RFTN1: variants seen among roughly 807,000 people sequenced by gnomAD.
The protein encoded by RFTN1 is raftlin.
RFTN1 carries 26 observed loss-of-function variants against 46.5 expected under a neutral mutation model. The ratio of observed to expected loss-of-function variants is 0.56; its 90% CI spans 0.41 to 0.78. RFTN1 has a LOEUF of 0.78. RFTN1 is among the 30% of genes least tolerant of loss of function. The pLI is 0.00. For synonymous variants in RFTN1, 261 were observed against 284.2 expected (o/e 0.92, Z 0.82); for missense variants, 693 against 718.7 (o/e 0.96, Z 0.41).
intron 4 of RFTN1, among the ~76,000 whole-genome samples, chr3:16,389,651 C>G (rs1443628318): frequency 6.6e-6 from 1 of 152,128 alleles, no homozygotes. Flanking sequence ...AAGTTCTCTC[C>G]TAGTAGAAGA....
At chr3:16,354,793 A>G (rs959593497) in intron 7 of RFTN1, among the ~76,000 whole-genome samples, 7 of 152,136 alleles carry the variant, frequency 4.6e-5, no homozygotes, top group Non-Finnish European at 8.8e-5. Flanking sequence ...CTCTTCCTGC[A>G]TTTTACTATC....
In RFTN1 at chr3:16,458,585, G is replaced by T. The variant is rs1366510023; in HGVS notation, c.146-24548C>A. On this transcript the variant is annotated intron_variant, in intron 2 of 9. Transcript: ENST00000334133. The surrounding 1 kb of genome is among the most constrained non-coding windows in gnomAD (Gnocchi z 5.1). ...TTTCCATCTTTGTAAATCGTAAATT[G>T]TCCTTTCAACATGCATAATGACAAG... Among the ~76,000 whole-genome samples the T allele has an allele frequency of 1.3e-5, 2 of 152,018 alleles. No homozygotes were observed. The highest frequency in any genetic ancestry group is 3.9e-4 in the East Asian group (2 of 5,178).
rs2076226020 is a variant in RFTN1 at position 16,473,218 on chromosome 3, C to A, written c.145+20507G>T. On this transcript the variant is annotated intron_variant, in intron 2 of 9. Coordinates refer to ENST00000334133, the MANE Select transcript of RFTN1 (RefSeq NM_015150.2). The surrounding 1 kb of genome is among the most constrained non-coding windows in gnomAD (Gnocchi z 5.3). The stretch of plus-strand genomic sequence containing the variant: ...GTCAACACTGTTGACCACAGTATAC[C>A]ACCTCCACCCCAATACTGGGCCAGA... Among the ~76,000 whole-genome samples, 1 of 152,080 alleles carries A rather than the reference C, an allele frequency of 6.6e-6. No homozygotes were observed. The highest frequency in any genetic ancestry group is 1.5e-5 in the Non-Finnish European group (1 of 68,020).
Position 16,503,562 on chromosome 3 carries a change from C to T in RFTN1, c.-8-9685G>A, listed in dbSNP as rs562727838. 2.0e-5 allele frequency among the ~76,000 whole-genome samples: 3 copies of T among 152,334 alleles called. No homozygotes were observed. In the South Asian group the frequency reaches 6.2e-4, roughly 32 times the overall value. On this transcript the variant is annotated intron_variant, in intron 1 of 9. Transcript: ENST00000334133. The stretch of plus-strand genomic sequence containing the variant: ...GAGCAAACCCAGTCTTTTCCCACTC[C>T]TAGCCCTCTCCAATCTCCTAATAGC...
rs1013863521 is a variant in RFTN1, at chr3:16,428,146, G to C, written c.332+5705C>G. Among the ~76,000 whole-genome samples the C allele has an allele frequency of 6.6e-6, 1 of 152,184 alleles. No homozygotes were observed. The highest frequency in any genetic ancestry group is 2.4e-5 in the African/African-American group (1 of 41,440). ...AAAAATCCAAACAAAAGGGATAAAT[G>C]TTTACCACTTAAAACAGTGCCAGTT... On this transcript the variant is annotated intron_variant, in intron 3 of 9. Transcript: ENST00000334133. The surrounding 1 kb of genome is among the most constrained non-coding windows in gnomAD (Gnocchi z 4.7).
At chr3:16,488,472 C>T (rs965325283) in intron 2 of RFTN1, among the ~76,000 whole-genome samples, 40 of 152,188 alleles carry the variant, frequency 2.6e-4, no homozygotes, top group Admixed American at 1.2e-3. Flanking sequence ...GCCAATACCT[C>T]CCTGACTTGT....
rs1224170505 is a variant in RFTN1, at chr3:16,387,148, T to C, written c.442-9046A>G. Among the ~76,000 whole-genome samples, 2 of 152,116 alleles carry C rather than the reference T, an allele frequency of 1.3e-5. No individual in the cohort carries two copies. The highest frequency in any genetic ancestry group is 2.1e-4 in the South Asian group (1 of 4,828). On this transcript the variant is annotated intron_variant, in intron 4 of 9. Transcript: ENST00000334133. The surrounding 1 kb of genome is among the most constrained non-coding windows in gnomAD (Gnocchi z 5.2). Reference sequence around the variant, plus strand: ...TGACCCACTGCTTCCATCACTCTCCTCCTATTATATCCTTGGCTTTCTCTG... The same window carrying C: ...TGACCCACTGCTTCCATCACTCTCCCCCTATTATATCCTTGGCTTTCTCTG...
At position 16,480,052 on chromosome 3, in the gene RFTN1, T is replaced by A. The variant is rs1323526735; in HGVS notation, c.145+13673A>T. On this transcript the variant is annotated intron_variant, in intron 2 of 9. Transcript: ENST00000334133. The surrounding 1 kb of genome is among the most constrained non-coding windows in gnomAD (Gnocchi z 4.3). ...TTTCCTACATTGAGAGACCTTACTA[T>A]CTTGTTCACCATTGCATGCTCAATA... 6.6e-6 allele frequency among the ~76,000 whole-genome samples: 1 copy of A among 152,214 alleles called. No individual in the cohort carries two copies. The highest frequency in any genetic ancestry group is 1.5e-5 in the Non-Finnish European group (1 of 68,028).
Position 16,452,260 on chromosome 3 carries a change from C to A in RFTN1, c.146-18223G>T, listed in dbSNP as rs2075832615. 6.6e-6 allele frequency among the ~76,000 whole-genome samples: 1 copy of A among 151,362 alleles called. No individual in the cohort carries two copies. Among genetic ancestry groups the A allele is most frequent in the South Asian group, 2.1e-4 (1 of 4,790 alleles). On this transcript the variant is annotated intron_variant, in intron 2 of 9. Transcript: ENST00000334133. The surrounding 1 kb of genome is among the most constrained non-coding windows in gnomAD (Gnocchi z 6.3). Reference sequence around the variant, plus strand: ...AGTTATTCATAAGAAGCCAAAGATTCTAAAGAAAACTAAAAAAAAAATAAT... The same window carrying A: ...AGTTATTCATAAGAAGCCAAAGATTATAAAGAAAACTAAAAAAAAAATAAT...
intron 1 of RFTN1, among the ~76,000 whole-genome samples, chr3:16,510,299 C>T (rs2076875304): frequency 6.6e-6 from 1 of 152,178 alleles, no homozygotes; most frequent in Non-Finnish European, 1.5e-5. Context: ...TACCAATAGA[C>T]CAGAAATCCC....
chr3:16,492,378 A>T (rs2076550260), intron 2 of RFTN1, among the ~76,000 whole-genome samples: 1 of 152,168 alleles, frequency 6.6e-6, no homozygotes, highest in Non-Finnish European at 1.5e-5. Flanking sequence ...TTGTGCTACG[A>T]GCTTCACACA....
rs565194909 is a variant in RFTN1, at chr3:16,424,564, G to GT, written c.332+9286dup. ...TATGTGAATACAAGCTGCTAATTTG[G>GT]TTTTTAAAGTCTTTGTAGCCATTTT... On this transcript the variant is annotated intron_variant, in intron 3 of 9. Transcript: ENST00000334133. This position sits in a 1 kb window ranked among gnomAD's most constrained non-coding sequence, Gnocchi z 4.7. 4.6e-5 allele frequency among the ~76,000 whole-genome samples: 7 copies of GT among 152,250 alleles called. No individual in the cohort carries two copies. The South Asian group carries it at 8.3e-4, about 18-fold the overall frequency.
chr3:16,505,606 G>C (rs1351764496), intron 1 of RFTN1, among the ~76,000 whole-genome samples: 1 of 152,230 alleles, frequency 6.6e-6, no homozygotes, highest in Non-Finnish European at 1.5e-5. Context: ...AGGCGGTCTG[G>C]AGTCAGAGTT....
chr3:16,419,604 C>T (rs921533218), intron 3 of RFTN1, among the ~76,000 whole-genome samples: 2 of 150,976 alleles, frequency 1.3e-5, no homozygotes, highest in Non-Finnish European at 1.5e-5. Context: ...ATTTTATGAA[C>T]CCTCTTTGCA....
chr3:16,318,528 A>G (rs1385010220), intron 9 of RFTN1, among the ~76,000 whole-genome samples: 3 of 152,190 alleles, frequency 2.0e-5, no homozygotes, highest in Non-Finnish European at 4.4e-5. Context: ...AAAATCTGCC[A>G]TTTTTGTAGT....
chr3:16,487,991 C>T (rs919559894), intron 2 of RFTN1, among the ~76,000 whole-genome samples: 2 of 152,160 alleles, frequency 1.3e-5, no homozygotes, highest in Non-Finnish European at 2.9e-5. Context: ...ATTCCTGCTG[C>T]TTTCGCCTCT....
In RFTN1 at chr3:16,410,801, A is replaced by G. The variant is rs985083659; in HGVS notation, c.333-1318T>C. Among the ~76,000 whole-genome samples the G allele has an allele frequency of 8.5e-5, 13 of 152,170 alleles. No homozygotes were observed. Among genetic ancestry groups the G allele is most frequent in the African/African-American group, 2.7e-4 (11 of 41,432 alleles). On this transcript the variant is annotated intron_variant, in intron 3 of 9. Transcript: ENST00000334133. This position sits in a 1 kb window ranked among gnomAD's most constrained non-coding sequence, Gnocchi z 4.6. ...TACAGCACAGTTCAAAACTGCACCC[A>G]TTCAGGAGAGCCAGCAGCAAGTGGT...
At position 16,424,487 on chromosome 3, in the gene RFTN1, G is replaced by GA. The variant is rs1377673032; in HGVS notation, c.332+9363dup. On this transcript the variant is annotated intron_variant, in intron 3 of 9. Coordinates refer to ENST00000334133, the MANE Select transcript of RFTN1 (RefSeq NM_015150.2). The surrounding 1 kb of genome is among the most constrained non-coding windows in gnomAD (Gnocchi z 4.7). Reference sequence around the variant, plus strand: ...CATAATGAGAATTAATTATAATACCGAAAACATACAGGAACAAAGCAAAGT... The same window carrying GA: ...CATAATGAGAATTAATTATAATACCGAAAAACATACAGGAACAAAGCAAAGT... Among the ~76,000 whole-genome samples the GA allele has an allele frequency of 6.6e-6, 1 of 152,076 alleles. No individual in the cohort carries two copies.
rs2072220189 is a variant in RFTN1, at chr3:16,353,325, C to A, written c.1146+4607G>T. Among the ~76,000 whole-genome samples, 1 of 152,166 alleles carries A rather than the reference C, an allele frequency of 6.6e-6. No individual in the cohort carries two copies. Among genetic ancestry groups the A allele is most frequent in the Admixed American group, 6.5e-5 (1 of 15,282 alleles). On this transcript the variant is annotated intron_variant, in intron 7 of 9. Coordinates refer to ENST00000334133, the MANE Select transcript of RFTN1 (RefSeq NM_015150.2). This position sits in a 1 kb window ranked among gnomAD's most constrained non-coding sequence, Gnocchi z 5.4. ...AAATGCCCCCAGCCTTAGAGAGGGG[C>A]AGGCAGGAGAGGGGCTGTCTGCAGG... is the stretch of plus-strand genomic sequence containing the variant.
Sources: gnomAD v4.1 joint callset for allele counts (sites outside exome capture counted in the v4.1 genomes callset) on GRCh38, gnomAD v4.1.1 for gene constraint, Gnocchi (gnomAD v3.1) non-coding constraint, MANE v1.5 for transcripts, NCBI Gene and HGNC (gene_info 2026-07-23, HGNC 2026-07-21) for gene names.